The following SPATS2L variants were observed in gnomAD, a reference collection of about 807,000 sequenced individuals.
The protein encoded by SPATS2L is spermatogenesis associated serine rich 2 like.
In SPATS2L, 30 loss-of-function variants were observed where a neutral mutation model predicts 59.6. The observed-to-expected ratio is 0.50, with a 90% CI of 0.38 to 0.68. SPATS2L has a LOEUF of 0.68. Ranked by LOEUF, SPATS2L falls within the 30% of genes least tolerant of loss-of-function variation. SPATS2L has a pLI of 0.00. For synonymous variants in SPATS2L, 252 were observed against 263.5 expected, an observed-to-expected ratio of 0.96 and a Z score of 0.42; for missense variants, 615 against 700.0, an observed-to-expected ratio of 0.88 and a Z score of 1.37.
intron 12 of SPATS2L, among the ~76,000 whole-genome samples, chr2:200,473,858 G>A (rs1014044164): frequency 6.6e-6 from 1 of 151,074 alleles, no homozygotes; most frequent in African/African-American, 2.4e-5. Context: ...AATTTAGCCA[G>A]GCATGGTGGC....
At chr2:200,466,995 A>G (rs2086648803) in intron 9 of SPATS2L, among the ~76,000 whole-genome samples, 1 of 152,210 alleles carries the variant, frequency 6.6e-6, no homozygotes, top group South Asian at 2.1e-4. Context: ...ACAAATTTCA[A>G]AAGTCTAAAT....
At chr2:200,322,407 T>C (rs763251981) in intron 1 of SPATS2L, among the ~76,000 whole-genome samples, 2 of 152,228 alleles carry the variant, frequency 1.3e-5, no homozygotes, top group Non-Finnish European at 2.9e-5. Flanking sequence ...TTTCATTACT[T>C]GTATATCAGG....
intron 1 of SPATS2L, among the ~76,000 whole-genome samples, chr2:200,320,450 T>C (rs1354938906): frequency 6.6e-6 from 1 of 152,206 alleles, no homozygotes; most frequent in Non-Finnish European, 1.5e-5. Context: ...TTCTATTCTC[T>C]TTACAGAATC....
chr2:200,462,423 G>C (rs1037505765), intron 9 of SPATS2L, among the ~76,000 whole-genome samples: 3 of 152,166 alleles, frequency 2.0e-5, no homozygotes, highest in African/African-American at 4.8e-5. Context: ...AAGCTTTCAG[G>C]CTAGCTGAAA....
chr2:200,313,250 T>G (rs972620273), intron 1 of SPATS2L, among the ~76,000 whole-genome samples: 2 of 152,182 alleles, frequency 1.3e-5, no homozygotes, highest in African/African-American at 4.8e-5. Context: ...TAGGAGCAGT[T>G]TGAAGGTGTG....
chr2:200,474,021 T>C (rs73059875), intron 12 of SPATS2L, among the ~76,000 whole-genome samples: 5,063 of 151,142 alleles, frequency 0.033, 276 homozygotes, highest in African/African-American at 0.12. Flanking sequence ...AAAATAAAAA[T>C]AAAGGATCTG....
chr2:200,412,458 T>G (rs6706953), intron 4 of SPATS2L, 39 bp downstream of exon 4: 15 of 1,119,946 alleles, frequency 1.3e-5, no homozygotes, highest in Non-Finnish European at 1.8e-5. Flanking sequence ...GATGTTAGAC[T>G]TAAATATTCC....
intron 6 of SPATS2L, among the ~76,000 whole-genome samples, chr2:200,422,613 A>C (rs145255418): frequency 1.5e-4 from 23 of 152,168 alleles, no homozygotes; most frequent in Middle Eastern, 3.4e-3. Context: ...AAAAGGAAGC[A>C]AATTCTCCTT....
At chr2:200,325,329 C>G (rs1451437539) in intron 1 of SPATS2L, among the ~76,000 whole-genome samples, 1 of 152,136 alleles carries the variant, frequency 6.6e-6, no homozygotes, top group Admixed American at 6.5e-5. Flanking sequence ...TACATGTGAG[C>G]AAAGTGGCAG....
intron 2 of SPATS2L, among the ~76,000 whole-genome samples, chr2:200,388,881 A>G (rs2082081738): frequency 6.6e-6 from 1 of 152,186 alleles, no homozygotes. Flanking sequence ...CTGTGATGAC[A>G]ATACTTAGTT....
chr2:200,322,926 C>T (rs144089042), intron 1 of SPATS2L, among the ~76,000 whole-genome samples: 1 of 152,104 alleles, frequency 6.6e-6, no homozygotes, highest in Admixed American at 6.6e-5. Flanking sequence ...TTTGAGATCT[C>T]GAATTTTTAT....
intron 3 of SPATS2L, among the ~76,000 whole-genome samples, chr2:200,411,539 T>C (rs1278367371): frequency 6.6e-6 from 1 of 152,224 alleles, no homozygotes; most frequent in Non-Finnish European, 1.5e-5. Context: ...AACCAGGTTT[T>C]ACTAAAATCA....
intron 2 of SPATS2L, among the ~76,000 whole-genome samples, chr2:200,332,259 T>C (rs2079969990): frequency 6.6e-6 from 1 of 151,870 alleles, no homozygotes; most frequent in Non-Finnish European, 1.5e-5. Flanking sequence ...TTTTTTTTTT[T>C]AGAGAGACAG....
intron 2 of SPATS2L, among the ~76,000 whole-genome samples, chr2:200,365,666 C>G (rs1248323364): frequency 6.6e-6 from 1 of 151,908 alleles, no homozygotes; most frequent in Non-Finnish European, 1.5e-5. Flanking sequence ...TCACTGTGTC[C>G]CCATTCACCT....
chr2:200,333,650 C>T (rs1371441162), intron 2 of SPATS2L, among the ~76,000 whole-genome samples: 4 of 152,000 alleles, frequency 2.6e-5, no homozygotes, highest in Non-Finnish European at 5.9e-5. Context: ...TATCCCTCCC[C>T]GCTCCCCCCA....
intron 2 of SPATS2L, among the ~76,000 whole-genome samples, chr2:200,387,528 A>G (rs1399141915): frequency 6.6e-6 from 1 of 152,228 alleles, no homozygotes; most frequent in Non-Finnish European, 1.5e-5. Context: ...TAATAGAGTT[A>G]ACATTGCGTA....
At chr2:200,342,813 G>A (rs943568173) in intron 2 of SPATS2L, among the ~76,000 whole-genome samples, 1 of 152,176 alleles carries the variant, frequency 6.6e-6, no homozygotes. Flanking sequence ...TCCAAATATA[G>A]CATGTGGTTA....
rs978479046 is a variant in SPATS2L, at chr2:200,306,811, G to A, written c.-184G>A. The A allele has an allele frequency of 1.0e-6, 1 of 980,874 alleles. No homozygotes were observed. Among genetic ancestry groups the A allele is most frequent in the African/African-American group, 1.8e-5 (1 of 56,780 alleles). 60.8% of individuals were successfully genotyped at this position (980,874 alleles called of 1,614,324 possible). A position where few individuals can be genotyped will look rare whatever the true frequency, so the allele number is the denominator to read the frequency against. ...GCGGCCCAGGCAGCGGCTCCCGCTC[G>A]GCCCGCCCTCCGAGCCGCAGGGGCC... is the stretch of plus-strand genomic sequence containing the variant. On this transcript the variant is annotated 5_prime_UTR_variant, in exon 1 of 13. Transcript: ENST00000409140.
At chr2:200,351,065 A>G in intron 2 of SPATS2L, 1 of 348,230 alleles carries the variant, frequency 2.9e-6, no homozygotes, top group East Asian at 7.4e-5. Flanking sequence ...GTTATCACCA[A>G]AAGTTAACCT....
Sources: allele counts gnomAD v4.1 joint callset (sites outside exome capture counted in the v4.1 genomes callset), GRCh38; gene constraint gnomAD v4.1.1; transcripts MANE v1.5; gene names NCBI Gene and HGNC (gene_info 2026-07-23, HGNC 2026-07-21).